WWOX: variants seen among roughly 807,000 people sequenced by gnomAD.
The protein encoded by WWOX is WW domain-containing oxidoreductase.
In WWOX, 69 loss-of-function variants were observed where a neutral mutation model predicts 46.2. That is an observed-to-expected ratio of 1.49 (90% CI 1.23 to 1.82). The LOEUF (loss-of-function observed/expected upper bound fraction) is 1.82, where lower values mean the gene tolerates loss of function less well. WWOX is among the 40% of genes most tolerant of loss of function. The probability of loss-of-function intolerance (pLI) is 0.00; values close to 1 mark genes in which losing one functional copy is unlikely to be tolerated. For synonymous variants in WWOX, 359 were observed against 202.6 expected, an observed-to-expected ratio of 1.77 and a Z score of -6.56; for missense variants, 919 against 542.6, an observed-to-expected ratio of 1.69 and a Z score of -6.89.
intron 8 of WWOX, among the ~76,000 whole-genome samples, chr16:78,584,760 T>C (rs968820917): frequency 6.6e-6 from 1 of 152,214 alleles, no homozygotes; most frequent in Non-Finnish European, 1.5e-5. Flanking sequence ...AGGAGCCTTG[T>C]GGTATGCTGG....
At chr16:78,512,908 C>T (rs1312687871) in intron 8 of WWOX, among the ~76,000 whole-genome samples, 1 of 152,188 alleles carries the variant, frequency 6.6e-6, no homozygotes, top group African/African-American at 2.4e-5. Context: ...CCCAGTCTTA[C>T]TTTTCAGGCA....
chr16:79,080,344 ATTCC>A (rs1400377833), intron 8 of WWOX, among the ~76,000 whole-genome samples: 1 of 151,722 alleles, frequency 6.6e-6, no homozygotes, highest in African/African-American at 2.4e-5. Flanking sequence ...AGCTATTTGT[ATTCC>A]TCTGTGCACG....
chr16:79,147,270 G>C (rs1241425957), intron 8 of WWOX, among the ~76,000 whole-genome samples: 1 of 152,074 alleles, frequency 6.6e-6, no homozygotes, highest in Non-Finnish European at 1.5e-5. Flanking sequence ...CCTCATCCCT[G>C]ACCCCTGGCA....
At chr16:78,557,965 G>T (rs2044346942) in intron 8 of WWOX, among the ~76,000 whole-genome samples, 1 of 152,100 alleles carries the variant, frequency 6.6e-6, no homozygotes, top group Non-Finnish European at 1.5e-5. Context: ...CCAAAGTGCA[G>T]AGCAGGAATT....
At chr16:79,140,291 G>A (rs763345576) in intron 8 of WWOX, among the ~76,000 whole-genome samples, 19 of 152,180 alleles carry the variant, frequency 1.2e-4, no homozygotes, top group Non-Finnish European at 1.6e-4. Context: ...TGGTGTGGCC[G>A]ATTTCTTGGA....
chr16:78,989,466 C>T (rs1380061744), intron 8 of WWOX, among the ~76,000 whole-genome samples: 1 of 152,190 alleles, frequency 6.6e-6, no homozygotes, highest in African/African-American at 2.4e-5. Context: ...GGCTTGCAGG[C>T]TGGGGATCCC....
At chr16:78,831,799 C>T (rs1010619668) in intron 8 of WWOX, among the ~76,000 whole-genome samples, 6 of 152,224 alleles carry the variant, frequency 3.9e-5, no homozygotes, top group African/African-American at 1.2e-4. Context: ...TACTGAGCAT[C>T]TATCTGTAGC....
At chr16:78,643,768 C>CAT (rs556384528) in intron 8 of WWOX, among the ~76,000 whole-genome samples, 134 of 151,082 alleles carry the variant, frequency 8.9e-4, no homozygotes, top group African/African-American at 3.1e-3. Flanking sequence ...AGAGTTTATT[C>CAT]ATATCACTCT....
At chr16:79,033,826 T>C (rs2047813650) in intron 8 of WWOX, among the ~76,000 whole-genome samples, 1 of 152,214 alleles carries the variant, frequency 6.6e-6, no homozygotes, top group Non-Finnish European at 1.5e-5. Context: ...TGTGATGTGT[T>C]CTTTTGTGGC....
At chr16:78,866,561 A>G (rs138590628) in intron 8 of WWOX, among the ~76,000 whole-genome samples, 55 of 152,262 alleles carry the variant, frequency 3.6e-4, no homozygotes, top group Admixed American at 1.8e-3. Context: ...ACCACACGAA[A>G]TTGGAAGGGG....
At chr16:78,875,730 A>G (rs1597093338) in intron 8 of WWOX, among the ~76,000 whole-genome samples, 4 of 152,304 alleles carry the variant, frequency 2.6e-5, no homozygotes, top group Admixed American at 2.6e-4. Context: ...AGTCGATTAC[A>G]ACTGTGTCTA....
At position 79,046,055 on chromosome 16, in the gene WWOX, C is replaced by A. The variant is rs149663400; in HGVS notation, c.1057-165553C>A. 3.4e-3 allele frequency among the ~76,000 whole-genome samples: 519 copies of A among 152,110 alleles called. 3 individuals are homozygous for A. Among genetic ancestry groups the A allele is most frequent in the Middle Eastern group, 0.02 (6 of 294 alleles). ...GACCTCAGATGATCTGTCTGCCTTG[C>A]CCTCCCAAAGTGCTAGAATTACAGG... On this transcript the variant is annotated intron_variant, in intron 8 of 8. Transcript: ENST00000566780.
At chr16:79,133,482 G>A (rs902600203) in intron 8 of WWOX, among the ~76,000 whole-genome samples, 3 of 152,214 alleles carry the variant, frequency 2.0e-5, no homozygotes, top group African/African-American at 7.2e-5. Flanking sequence ...TAACAGTAAA[G>A]TACAGAACAG....
chr16:78,594,740 A>G (rs2045444870), intron 8 of WWOX, among the ~76,000 whole-genome samples: 1 of 151,906 alleles, frequency 6.6e-6, no homozygotes, highest in Admixed American at 6.6e-5. Context: ...GCTACCTCCA[A>G]CTTGACACTT....
intron 8 of WWOX, chr16:79,204,021 C>T: frequency 6.6e-6 from 1 of 152,136 alleles, no homozygotes; most frequent in Non-Finnish European, 1.5e-5. Flanking sequence ...ATTTCAGTGA[C>T]ATGCCATCAG....
chr16:78,826,543 C>G (rs771858363), intron 8 of WWOX, among the ~76,000 whole-genome samples: 16 of 152,132 alleles, frequency 1.1e-4, no homozygotes, highest in Non-Finnish European at 1.9e-4. Flanking sequence ...TGGCCTTCTC[C>G]TCTTCTCCTG....
chr16:78,505,711 TAGCACAGGG>T (rs56941500), intron 8 of WWOX, among the ~76,000 whole-genome samples: 8,965 of 152,174 alleles, frequency 0.059, 896 homozygotes, highest in African/African-American at 0.21. Flanking sequence ...CTGCTCTCCC[TAGCACAGGG>T]AGCATGCAGG....
chr16:78,458,185 C>T (rs564571901), intron 8 of WWOX, among the ~76,000 whole-genome samples: 6 of 152,020 alleles, frequency 3.9e-5, no homozygotes, highest in African/African-American at 1.4e-4. Context: ...TCGAACTTGC[C>T]CTACATACTG....
chr16:78,470,405 T>C (rs1053479342), intron 8 of WWOX, among the ~76,000 whole-genome samples: 2 of 152,228 alleles, frequency 1.3e-5, no homozygotes, highest in Admixed American at 1.3e-4. Flanking sequence ...CCTCAAGATC[T>C]TTGTTTTTGA....
Sources: gnomAD v4.1 joint callset for allele counts (sites outside exome capture counted in the v4.1 genomes callset) on GRCh38, gnomAD v4.1.1 for gene constraint, MANE v1.5 for transcripts, NCBI Gene and HGNC (gene_info 2026-07-23, HGNC 2026-07-21) for gene names.